The following KSR2 variants were observed in gnomAD, a reference collection of about 807,000 sequenced individuals.
KSR2 encodes kinase suppressor of ras 2.
Under a neutral mutation model 107.8 loss-of-function variants are expected in KSR2, and 25 were observed. That is an observed-to-expected ratio of 0.23 (90% CI 0.17 to 0.32). KSR2 has a LOEUF of 0.32. Among genes scored for constraint, KSR2 ranks in the 10% least tolerant of loss-of-function variants. KSR2 has a pLI of 1.00. For synonymous variants in KSR2, 480 were observed against 507.0 expected (o/e 0.95, Z 0.71); for missense variants, 887 against 1,268.9 (o/e 0.70, Z 4.57).
intron 1 of KSR2, among the ~76,000 whole-genome samples, chr12:117,939,382 G>C (rs1159105386): frequency 1.3e-5 from 2 of 152,088 alleles, no homozygotes; most frequent in Non-Finnish European, 2.9e-5. Context: ...TGTGTGATGG[G>C]GACATTTTGC....
intron 1 of KSR2, among the ~76,000 whole-genome samples, chr12:117,960,894 G>T (rs551684706): frequency 6.7e-6 from 1 of 149,808 alleles, no homozygotes; most frequent in Admixed American, 6.7e-5. Flanking sequence ...CTGCCTTCCA[G>T]TCTCCAACCA....
intron 3 of KSR2, among the ~76,000 whole-genome samples, chr12:117,810,687 G>T (rs1343620701): frequency 6.6e-6 from 1 of 152,128 alleles, no homozygotes; most frequent in Non-Finnish European, 1.5e-5. Context: ...AACATTCCAA[G>T]CTAATATGCA....
intron 4 of KSR2, among the ~76,000 whole-genome samples, chr12:117,743,292 C>A (rs542999031): frequency 6.6e-6 from 1 of 152,372 alleles, no homozygotes; most frequent in South Asian, 2.1e-4. Flanking sequence ...ACTTTGATCA[C>A]CCTCCATTTC....
In KSR2 at chr12:117,968,891, C is replaced by T. The variant is rs79310463; in HGVS notation, c.-636G>A. 35,658 of 247,286 alleles carry T rather than the reference C, an allele frequency of 0.14. 2,889 individuals are homozygous for T. Among genetic ancestry groups the T allele is most frequent in the South Asian group, 0.24 (6,316 of 26,080 alleles). The allele number at this position is 247,286 out of a possible 1,614,324, so 15.3% of individuals were successfully genotyped here. On this transcript the variant is annotated 5_prime_UTR_variant, in exon 1 of 20. Coordinates refer to ENST00000339824, the MANE Select transcript of KSR2 (RefSeq NM_173598.6). ...GCGGCTGGCTGCTGTCTCCTCCCCGCGCTGCTGCTGCTGCTGCTGCTGCCG... is the reference window on the plus strand; with the variant it reads ...GCGGCTGGCTGCTGTCTCCTCCCCGTGCTGCTGCTGCTGCTGCTGCTGCCG...
At position 117,697,739 on chromosome 12, in the gene KSR2, C is replaced by CAA. The variant is rs35764451; in HGVS notation, c.987-30083_987-30082dup. Among the ~76,000 whole-genome samples, 178 of 66,262 alleles carry CAA rather than the reference C, an allele frequency of 2.7e-3. No homozygotes were observed. In the East Asian group the frequency reaches 0.037, roughly 14 times the overall value. The allele number at this position is 66,262 out of a possible 152,430, so 43.5% of individuals were successfully genotyped here. ...TGGGCAACAGAGCGAGACTCCATCT[C>CAA]AAAAAAAAAAAAAAAAAAAGGTTTC... On this transcript the variant is annotated intron_variant, in intron 4 of 19. Transcript: ENST00000339824.
chr12:117,650,284 A>G (rs1364860953), intron 5 of KSR2, among the ~76,000 whole-genome samples: 1 of 152,152 alleles, frequency 6.6e-6, no homozygotes, highest in Non-Finnish European at 1.5e-5. Flanking sequence ...ATACAACCAT[A>G]CAACTCCAAG....
intron 3 of KSR2, among the ~76,000 whole-genome samples, chr12:117,827,034 C>CAAAAAA (rs58583797): frequency 0.028 from 2,917 of 103,358 alleles, 112 homozygotes; most frequent in East Asian, 0.12. Context: ...GACCCTGTCT[C>CAAAAAA]AAAAAAAAAA....
At chr12:117,799,481 AC>A (rs1890752657) in intron 3 of KSR2, among the ~76,000 whole-genome samples, 1 of 151,608 alleles carries the variant, frequency 6.6e-6, no homozygotes, top group African/African-American at 2.4e-5. Flanking sequence ...AGACCAGGCA[AC>A]AGAGCGAAGA....
In KSR2 at chr12:117,781,058, T is replaced by A. The variant is rs184514293; in HGVS notation, c.473-19534A>T. 1.8e-3 allele frequency among the ~76,000 whole-genome samples: 271 copies of A among 152,300 alleles called. 1 individual carries two copies. Among genetic ancestry groups the A allele is most frequent in the African/African-American group, 6.2e-3 (258 of 41,576 alleles). The stretch of plus-strand genomic sequence containing the variant: ...GACCCAGTGAGAGGTAATTAAATCA[T>A]GGGGGCAAGTATTTCCCATACTGTT... On this transcript the variant is annotated intron_variant, in intron 3 of 19. Coordinates refer to ENST00000339824, the MANE Select transcript of KSR2 (RefSeq NM_173598.6).
chr12:117,671,657 A>G (rs1884910287), intron 4 of KSR2, among the ~76,000 whole-genome samples: 1 of 152,212 alleles, frequency 6.6e-6, no homozygotes, highest in Non-Finnish European at 1.5e-5. Context: ...TGGATCCTTC[A>G]TCCCTTAGCT....
intron 5 of KSR2, among the ~76,000 whole-genome samples, chr12:117,617,215 T>C (rs961664943): frequency 6.6e-6 from 1 of 152,204 alleles, no homozygotes; most frequent in Non-Finnish European, 1.5e-5. Flanking sequence ...CCTATATGAG[T>C]TGCACACATT....
chr12:117,835,575 T>A (rs1892173192), intron 3 of KSR2, among the ~76,000 whole-genome samples: 2 of 152,120 alleles, frequency 1.3e-5, no homozygotes, highest in African/African-American at 4.8e-5. Context: ...GCGGCTATGT[T>A]CCTGGAGCGC....
At chr12:117,951,069 A>T (rs932453874) in intron 1 of KSR2, among the ~76,000 whole-genome samples, 15 of 151,826 alleles carry the variant, frequency 9.9e-5, no homozygotes. Context: ...CACCACACCC[A>T]GCTAATTTTT....
chr12:117,967,548 G>A (rs1052057010), intron 1 of KSR2, among the ~76,000 whole-genome samples: 3 of 151,972 alleles, frequency 2.0e-5, no homozygotes, highest in Non-Finnish European at 2.9e-5. Flanking sequence ...AAAAATCTAA[G>A]GAGCAAAAGG....
intron 7 of KSR2, among the ~76,000 whole-genome samples, chr12:117,559,763 C>A (rs932847420): frequency 6.6e-6 from 1 of 152,196 alleles, no homozygotes; most frequent in African/African-American, 2.4e-5. Flanking sequence ...TAATAAAATT[C>A]ACAAATTACT....
At chr12:117,742,231 A>C (rs1888243506) in intron 4 of KSR2, among the ~76,000 whole-genome samples, 1 of 152,262 alleles carries the variant, frequency 6.6e-6, no homozygotes, top group South Asian at 2.1e-4. Context: ...CTGAGGGGTC[A>C]GGATAACTGA....
At chr12:117,572,633 T>C (rs10774934) in intron 7 of KSR2, among the ~76,000 whole-genome samples, 45,013 of 150,768 alleles carry the variant, frequency 0.3, 8,515 homozygotes, top group Non-Finnish European at 0.41. Flanking sequence ...TAGGAGACAG[T>C]TGAAATGCTA....
intron 5 of KSR2, 73 bp downstream of exon 5, chr12:117,667,401 G>A: frequency 7.1e-7 from 1 of 1,399,912 alleles, no homozygotes; most frequent in Non-Finnish European, 9.9e-7. Context: ...ACCTGGCACA[G>A]AGGACAGCAG....
intron 5 of KSR2, among the ~76,000 whole-genome samples, chr12:117,651,748 A>G (rs1387393812): frequency 6.6e-6 from 1 of 152,136 alleles, no homozygotes; most frequent in East Asian, 1.9e-4. Context: ...CTTTAGACCT[A>G]CTCATCCCAG....
Sources: allele counts gnomAD v4.1 joint callset (sites outside exome capture counted in the v4.1 genomes callset), GRCh38; gene constraint gnomAD v4.1.1; transcripts MANE v1.5; gene names NCBI Gene and HGNC (gene_info 2026-07-23, HGNC 2026-07-21).